GPC6: variants seen among roughly 807,000 people sequenced by gnomAD.
GPC6 encodes the protein glypican-6.
A neutral mutation model predicts 55.2 loss-of-function variants in GPC6; 14 were observed. That is an observed-to-expected ratio of 0.25 (90% CI 0.17 to 0.40). The LOEUF is 0.40. Among genes scored for constraint, GPC6 ranks in the 10% least tolerant of loss-of-function variants. GPC6 has a pLI of 1.00. For synonymous variants in GPC6, 278 were observed against 259.6 expected (o/e 1.07, Z -0.68); for missense variants, 641 against 708.5 (o/e 0.90, Z 1.08).
In GPC6 at chr13:93,771,628, C is replaced by T. The variant is rs563600164; in HGVS notation, c.320-58526C>T. Among the ~76,000 whole-genome samples the T allele has an allele frequency of 1.1e-3, 160 of 151,920 alleles. 1 individual carries two copies. Among genetic ancestry groups the T allele is most frequent in the African/African-American group, 3.8e-3 (157 of 41,414 alleles). ...AAAGTAAATACCTAATGCTAGATGA[C>T]GAGTTAGTGGGTGCAGTGCACCAGC... On this transcript the variant is annotated intron_variant, in intron 2 of 8. Coordinates refer to ENST00000377047, the MANE Select transcript of GPC6 (RefSeq NM_005708.5).
At chr13:93,352,054 A>G (rs946833104) in intron 1 of GPC6, among the ~76,000 whole-genome samples, 5 of 152,150 alleles carry the variant, frequency 3.3e-5, no homozygotes, top group Non-Finnish European at 5.9e-5. Flanking sequence ...AACCCACTAA[A>G]TGGTGGCAAA....
rs753155745 is a variant in GPC6 at position 93,227,564 on chromosome 13, G to C, written c.108G>C (p.Ala36=). 1 of 1,612,818 alleles carries C rather than the reference G, an allele frequency of 6.2e-7. No individual in the cohort carries two copies. The highest frequency in any genetic ancestry group is 2.2e-5 in the East Asian group (1 of 44,814). Residue 36 remains alanine (A), a synonymous_variant, in exon 1 of 9, where the codon GCG becomes GCC. Coordinates refer to ENST00000377047, the MANE Select transcript of GPC6 (RefSeq NM_005708.5). This position sits in a 1 kb window ranked among gnomAD's most constrained non-coding sequence, Gnocchi z 4.3. Reference sequence around the variant, plus strand: ...GGAGCTGCGGAGAGGTCCGCCAGGCGTACGGTGCCAAGGGATTCAGCCTGG... The same window carrying C: ...GGAGCTGCGGAGAGGTCCGCCAGGCCTACGGTGCCAAGGGATTCAGCCTGG... The part of the protein sequence containing the change: ...KARSCGEVRQ[A]YGAKGFSLAD...
intron 4 of GPC6, among the ~76,000 whole-genome samples, chr13:94,121,479 C>G (rs1886627960): frequency 6.6e-6 from 1 of 152,066 alleles, no homozygotes; most frequent in Non-Finnish European, 1.5e-5. Flanking sequence ...AAATGTTTTT[C>G]AAGCAGTAAT....
intron 3 of GPC6, among the ~76,000 whole-genome samples, chr13:93,925,961 T>A (rs1056999294): frequency 2.0e-5 from 3 of 152,244 alleles, no homozygotes; most frequent in African/African-American, 7.2e-5. Flanking sequence ...AGTCATCTCT[T>A]ACTCTTTCTC....
chr13:93,741,404 C>T (rs768257932), intron 2 of GPC6, among the ~76,000 whole-genome samples: 5 of 152,064 alleles, frequency 3.3e-5, no homozygotes, highest in Non-Finnish European at 5.9e-5. Flanking sequence ...CGTGAGCCAC[C>T]GCACCTGGCC....
In GPC6 at chr13:93,565,256, C is replaced by T. The variant is rs182986928; in HGVS notation, c.319+19835C>T. Among the ~76,000 whole-genome samples the T allele has an allele frequency of 1.8e-4, 28 of 152,204 alleles. No homozygotes were observed. The East Asian group carries it at 3.5e-3, about 19-fold the overall frequency. ...ACTCAGTGTAACATTCTGTAATTTT[C>T]GACTTCAATTATGTACCTGCTCCAC... On this transcript the variant is annotated intron_variant, in intron 2 of 8. Coordinates refer to ENST00000377047, the MANE Select transcript of GPC6 (RefSeq NM_005708.5).
At chr13:93,732,437 C>T (rs369378245) in intron 2 of GPC6, among the ~76,000 whole-genome samples, 10 of 152,116 alleles carry the variant, frequency 6.6e-5, no homozygotes, top group East Asian at 3.9e-4. Context: ...CCCCTGGGAG[C>T]GCTGAAATGA....
intron 2 of GPC6, among the ~76,000 whole-genome samples, chr13:93,758,321 G>C (rs956186044): frequency 6.6e-6 from 1 of 152,116 alleles, no homozygotes; most frequent in Non-Finnish European, 1.5e-5. Context: ...AGGAAGTGTC[G>C]GCAAGTGTTA....
chr13:93,495,846 G>A (rs887765671), intron 1 of GPC6, among the ~76,000 whole-genome samples: 33 of 147,430 alleles, frequency 2.2e-4, no homozygotes, highest in Admixed American at 4.8e-4. Flanking sequence ...GGGGGTCAGG[G>A]GTCAGGGACC....
intron 4 of GPC6, among the ~76,000 whole-genome samples, chr13:94,151,536 G>C (rs1470853921): frequency 6.6e-6 from 1 of 152,092 alleles, no homozygotes; most frequent in African/African-American, 2.4e-5. Flanking sequence ...CAGTAAATTC[G>C]AATGGTTATT....
chr13:94,349,542 T>C (rs1311535999), intron 6 of GPC6, among the ~76,000 whole-genome samples: 1 of 152,176 alleles, frequency 6.6e-6, no homozygotes, highest in African/African-American at 2.4e-5. Flanking sequence ...GTCTCTATAA[T>C]CTATCCTCCA....
chr13:93,960,938 G>A (rs1832360), intron 3 of GPC6, among the ~76,000 whole-genome samples: 34,527 of 150,492 alleles, frequency 0.23, 4,472 homozygotes, highest in East Asian at 0.39. Context: ...TCAGCCTCCC[G>A]AGTAGCTGGG....
intron 4 of GPC6, among the ~76,000 whole-genome samples, chr13:94,074,031 G>T (rs1184879567): frequency 1.3e-5 from 2 of 152,186 alleles, no homozygotes; most frequent in Non-Finnish European, 2.9e-5. Flanking sequence ...CAGAGTTTCT[G>T]TTGTTTTAGG....
At chr13:93,370,196 G>A (rs1333376147) in intron 1 of GPC6, among the ~76,000 whole-genome samples, 1 of 151,934 alleles carries the variant, frequency 6.6e-6, no homozygotes, top group Non-Finnish European at 1.5e-5. Context: ...TCCTAGAATT[G>A]GCATGCCCTT....
At chr13:93,973,745 A>G (rs1880393493) in intron 3 of GPC6, among the ~76,000 whole-genome samples, 1 of 152,196 alleles carries the variant, frequency 6.6e-6, no homozygotes, top group Non-Finnish European at 1.5e-5. Context: ...CTGAGAACAT[A>G]AAAGATCAAC....
chr13:93,424,293 G>C (rs778918773), intron 1 of GPC6, among the ~76,000 whole-genome samples: 2 of 152,118 alleles, frequency 1.3e-5, no homozygotes, highest in Non-Finnish European at 2.9e-5. Flanking sequence ...CTCAGCCCTC[G>C]TGCCCCAGCA....
intron 3 of GPC6, among the ~76,000 whole-genome samples, chr13:93,957,598 A>G (rs571734915): frequency 5.9e-5 from 9 of 152,282 alleles, no homozygotes; most frequent in African/African-American, 2.2e-4. Flanking sequence ...GTATATATGT[A>G]CCACAGTTTC....
At chr13:94,177,898 T>A (rs144770628) in intron 4 of GPC6, among the ~76,000 whole-genome samples, 2,685 of 152,216 alleles carry the variant, frequency 0.018, 53 homozygotes, top group African/African-American at 0.046. Context: ...TCCTTAATTT[T>A]AAAAAAATAC....
At chr13:93,596,458 A>G (rs1452352906) in intron 2 of GPC6, among the ~76,000 whole-genome samples, 1 of 151,732 alleles carries the variant, frequency 6.6e-6, no homozygotes, top group Non-Finnish European at 1.5e-5. Context: ...CAGGAGATAC[A>G]CTCTCCGACT....
Sources: gnomAD v4.1 joint callset for allele counts (sites outside exome capture counted in the v4.1 genomes callset) on GRCh38, gnomAD v4.1.1 for gene constraint, Gnocchi (gnomAD v3.1) non-coding constraint, MANE v1.5 for transcripts, NCBI Gene and HGNC (gene_info 2026-07-23, HGNC 2026-07-21) for gene names.